Variants in FAM117B observed in about 807,000 individuals in gnomAD.
The protein encoded by FAM117B is protein FAM117B.
In FAM117B, 22 loss-of-function variants were observed where a neutral mutation model predicts 52.8. The ratio of observed to expected loss-of-function variants is 0.42; its 90% CI spans 0.30 to 0.59. FAM117B has a LOEUF of 0.59. Among genes scored for constraint, FAM117B ranks in the 20% least tolerant of loss-of-function variants. FAM117B has a pLI of 0.22. For missense variants in FAM117B, 678 were observed against 802.6 expected, an observed-to-expected ratio of 0.84 and a Z score of 1.88; for synonymous variants, 309 against 324.1, an observed-to-expected ratio of 0.95 and a Z score of 0.50.
intron 2 of FAM117B, among the ~76,000 whole-genome samples, chr2:202,722,210 C>CTA (rs1298220395): frequency 2.0e-5 from 3 of 151,960 alleles, no homozygotes; most frequent in Non-Finnish European, 4.4e-5. Flanking sequence ...CGGGGTTTCA[C>CTA]TATGTTGGCC....
intron 1 of FAM117B, among the ~76,000 whole-genome samples, chr2:202,654,062 T>TGAGAGAGAGAGAGA (rs60490884): frequency 1.7e-4 from 23 of 134,766 alleles, no homozygotes; most frequent in Non-Finnish European, 3.4e-4. Flanking sequence ...AGAGAGTGAG[T>TGAGAGAGAGAGAGA]GAGAGAGAGA....
chr2:202,759,452 C>G, intron 7 of FAM117B, 99 bp downstream of exon 7: 2 of 1,457,360 alleles, frequency 1.4e-6, no homozygotes, highest in South Asian at 1.4e-5. Context: ...TGCACTGATG[C>G]AGTCACAGGT....
chr2:202,649,701 G>C (rs531049616), intron 1 of FAM117B, among the ~76,000 whole-genome samples: 3 of 151,574 alleles, frequency 2.0e-5, no homozygotes, highest in African/African-American at 7.3e-5. Context: ...ACAGGCACGC[G>C]CCACCACACT....
Position 202,635,737 on chromosome 2 carries a change from A to G in FAM117B, c.550A>G (p.Ser184Gly). ...VRHRRRSPEQ[S>G]RSSPEKRSPS... ...GCATCGGAGGAGGTCTCCGGAGCAG[A>G]GCCGAAGCTCGCCGGAGAAGAGGAG... The change falls in exon 1 of 8, where the codon AGC (serine) becomes GGC (glycine). Residue 184 changes from serine to glycine, a missense_variant. By Grantham distance (56) the Ser-to-Gly change is moderately conservative. Coordinates refer to ENST00000392238, the MANE Select transcript of FAM117B (RefSeq NM_173511.4). 6.9e-7 allele frequency: 1 copy of G among 1,458,952 alleles called. No homozygotes were observed. Among genetic ancestry groups the G allele is most frequent in the South Asian group, 1.3e-5 (1 of 77,190 alleles). 90.4% of individuals were successfully genotyped at this position (1,458,952 alleles called of 1,614,324 possible).
chr2:202,675,563 G>A (rs1485016210), intron 1 of FAM117B, among the ~76,000 whole-genome samples: 1 of 151,208 alleles, frequency 6.6e-6, no homozygotes, highest in Non-Finnish European at 1.5e-5. Flanking sequence ...TTAGCACCTT[G>A]GTCATACCTC....
Position 202,726,267 on chromosome 2 carries a change from G to A in FAM117B, c.864G>A (p.Gln288=), listed in dbSNP as rs752133206. 1 of 1,612,102 alleles carries A rather than the reference G, an allele frequency of 6.2e-7. No homozygotes were observed. Among genetic ancestry groups the A allele is most frequent in the Admixed American group, 1.7e-5 (1 of 59,388 alleles). ...TTTCTCAGATTGCAAAATTACGCCA[G>A]CAGTTGCAGAGAAGTAAACACAGCA... ...DQLKEIAKLR[Q]QLQRSKHSSR... The change falls in exon 4 of 8, where the codon CAG becomes CAA. Residue 288 remains glutamine, a synonymous_variant. Transcript: ENST00000392238.
At chr2:202,667,291 G>A (rs927440752) in intron 1 of FAM117B, among the ~76,000 whole-genome samples, 3 of 151,474 alleles carry the variant, frequency 2.0e-5, no homozygotes, top group Non-Finnish European at 4.4e-5. Context: ...AATAGAGACG[G>A]GGTTTCACCA....
intron 7 of FAM117B, 70 bp downstream of exon 7, chr2:202,759,423 T>C: frequency 6.4e-7 from 1 of 1,564,136 alleles, no homozygotes; most frequent in Non-Finnish European, 8.6e-7. Context: ...AGGATCTCAC[T>C]CTGTCATCTA....
chr2:202,760,663 A>G (rs1199832632), intron 7 of FAM117B, among the ~76,000 whole-genome samples: 2 of 152,084 alleles, frequency 1.3e-5, no homozygotes, highest in Admixed American at 6.6e-5. Flanking sequence ...ACAGATGTGG[A>G]AGTCTGATTC....
chr2:202,681,192 T>C (rs775973007), intron 1 of FAM117B, among the ~76,000 whole-genome samples: 2 of 151,892 alleles, frequency 1.3e-5, no homozygotes, highest in South Asian at 2.1e-4. Flanking sequence ...AAAAGAAATA[T>C]AGCTAATGTG....
chr2:202,732,985 G>A (rs567435487), intron 4 of FAM117B, among the ~76,000 whole-genome samples: 21 of 151,982 alleles, frequency 1.4e-4, no homozygotes, highest in African/African-American at 2.2e-4. Flanking sequence ...CGGGGGAACC[G>A]CCCCCAATAT....
At chr2:202,673,763 G>A (rs1690337766) in intron 1 of FAM117B, among the ~76,000 whole-genome samples, 1 of 151,804 alleles carries the variant, frequency 6.6e-6, no homozygotes, top group Non-Finnish European at 1.5e-5. Context: ...TATTTCTTAT[G>A]GATTTTACTT....
intron 1 of FAM117B, among the ~76,000 whole-genome samples, chr2:202,685,695 T>C (rs1234325407): frequency 1.3e-5 from 2 of 152,212 alleles, no homozygotes; most frequent in African/African-American, 4.8e-5. Flanking sequence ...AAGAATAGTA[T>C]TTTCCACAAA....
intron 4 of FAM117B, among the ~76,000 whole-genome samples, chr2:202,747,935 T>C (rs967721631): frequency 1.3e-5 from 2 of 152,090 alleles, no homozygotes; most frequent in Non-Finnish European, 2.9e-5. Flanking sequence ...AAAGTACCAA[T>C]GACATTCTTC....
At chr2:202,674,581 G>A (rs1180714964) in intron 1 of FAM117B, among the ~76,000 whole-genome samples, 2 of 152,188 alleles carry the variant, frequency 1.3e-5, no homozygotes, top group Non-Finnish European at 2.9e-5. Context: ...TACTACCAAC[G>A]TCTTGAGTTG....
chr2:202,696,108 G>A, intron 2 of FAM117B, 76 bp downstream of exon 2: 1 of 1,460,910 alleles, frequency 6.8e-7, no homozygotes, highest in Non-Finnish European at 9.3e-7. Flanking sequence ...GTTCTGCTTT[G>A]AGTAGAACAA....
At position 202,707,990 on chromosome 2, in the gene FAM117B, G is replaced by A. The variant is rs567251207; in HGVS notation, c.753+11958G>A. Among the ~76,000 whole-genome samples the A allele has an allele frequency of 7.9e-5, 12 of 152,054 alleles. No individual in the cohort carries two copies. In the East Asian group the frequency reaches 1.9e-3, roughly 25 times the overall value. On this transcript the variant is annotated intron_variant, in intron 2 of 7. Transcript: ENST00000392238. ...TCACCATGTTGGCCAGGCTGGTCTCGAACTCCTGACCTCAGGTGATCCACT... is the reference window on the plus strand; with the variant it reads ...TCACCATGTTGGCCAGGCTGGTCTCAAACTCCTGACCTCAGGTGATCCACT...
At chr2:202,650,285 G>C (rs1689937628) in intron 1 of FAM117B, among the ~76,000 whole-genome samples, 1 of 152,054 alleles carries the variant, frequency 6.6e-6, no homozygotes, top group African/African-American at 2.4e-5. Context: ...TGATGGCTGG[G>C]ATTTGGAACC....
At chr2:202,722,167 C>T (rs944629966) in intron 2 of FAM117B, among the ~76,000 whole-genome samples, 9 of 151,878 alleles carry the variant, frequency 5.9e-5, no homozygotes, top group East Asian at 1.9e-4. Context: ...CCTGCCACCA[C>T]GCCCGGCTAA....
Sources: allele counts gnomAD v4.1 joint callset (sites outside exome capture counted in the v4.1 genomes callset), GRCh38; gene constraint gnomAD v4.1.1; transcripts MANE v1.5; gene names NCBI Gene and HGNC (gene_info 2026-07-23, HGNC 2026-07-21).